The following ARL10 variants were observed in gnomAD, a reference collection of about 807,000 sequenced individuals.
ARL10 encodes the protein ARF like GTPase 10, also known as ADP-ribosylation factor-like protein 10.
ARL10 carries 23 observed loss-of-function variants against 26.1 expected under a neutral mutation model. The ratio of observed to expected loss-of-function variants is 0.88; its 90% CI spans 0.63 to 1.25. The LOEUF (loss-of-function observed/expected upper bound fraction) is 1.25, where lower values mean the gene tolerates loss of function less well. Ranked by LOEUF, ARL10 falls within the 50% of genes most tolerant of loss-of-function variation. The pLI is 0.00. For missense variants in ARL10, 300 were observed against 323.6 expected (o/e 0.93, Z 0.56); for synonymous variants, 138 against 149.1 (o/e 0.93, Z 0.54).
At chr5:176,389,435 G>T, downstream of ARL10, 4 of 1,614,200 alleles carry the variant, frequency 2.5e-6, no homozygotes, top group Non-Finnish European at 3.4e-6. Context: ...CGCCGCCCAG[G>T]GTTTCACGGT....
At chr5:176,397,801 G>A in intron 1 of ARL10, 2 of 1,510,152 alleles carry the variant, frequency 1.3e-6, no homozygotes, top group Admixed American at 1.7e-5. Flanking sequence ...GCCCCTGCCA[G>A]GCAGCCACAG....
the ARL10 span, among the ~76,000 whole-genome samples, chr5:176,412,112 C>T: frequency 2.0e-5 from 3 of 148,424 alleles, no homozygotes; most frequent in Non-Finnish European, 4.4e-5. Context: ...GGAGGCGGAG[C>T]TTGCAGTGAG....
downstream of ARL10, among the ~76,000 whole-genome samples, chr5:176,404,639 C>A (rs1364826719): frequency 6.6e-6 from 1 of 152,196 alleles, no homozygotes; most frequent in Non-Finnish European, 1.5e-5. Flanking sequence ...CAAGCCTGGC[C>A]AAACTGGGCC....
At chr5:176,400,336 A>T (rs575328274) in intron 1 of ARL10, among the ~76,000 whole-genome samples, 1 of 152,328 alleles carries the variant, frequency 6.6e-6, no homozygotes, top group South Asian at 2.1e-4. Context: ...CTCAGTGAAT[A>T]GTAGCTAGAA....
chr5:176,408,105 C>A, the ARL10 span, among the ~76,000 whole-genome samples: 1 of 152,050 alleles, frequency 6.6e-6, no homozygotes, highest in African/African-American at 2.4e-5. Flanking sequence ...CTATTGCATG[C>A]CTCTGTGGTC....
At chr5:176,402,777 C>T (rs368346440), downstream of ARL10, among the ~76,000 whole-genome samples, 2 of 152,130 alleles carry the variant, frequency 1.3e-5, no homozygotes, top group African/African-American at 2.4e-5. Flanking sequence ...GCTGGGGAAA[C>T]GTGAACCTTG....
chr5:176,384,502 G>T, downstream of ARL10: 2 of 896,736 alleles, frequency 2.2e-6, no homozygotes, highest in Non-Finnish European at 3.4e-6. Flanking sequence ...AAAGGCTGTG[G>T]TGCACCGGGC....
chr5:176,406,676 G>T (rs1179971364), downstream of ARL10: 1 of 1,288,852 alleles, frequency 7.8e-7, no homozygotes, highest in Non-Finnish European at 1.0e-6. Context: ...TTGGCAACTG[G>T]GTTTGTAGCT....
chr5:176,405,853 G>T (rs148218406), downstream of ARL10: 1 of 151,370 alleles, frequency 6.6e-6, no homozygotes, highest in East Asian at 1.9e-4. Context: ...TCCTACTACC[G>T]GTGGGAAGTG....
chr5:176,398,108 C>A, intron 1 of ARL10: 2 of 1,492,648 alleles, frequency 1.3e-6, no homozygotes, highest in Non-Finnish European at 1.9e-6. Flanking sequence ...GTCTCTGCTG[C>A]CCCTGCTGGG....
At chr5:176,388,258 C>G in intron 1 of ARL10, 1 of 1,613,792 alleles carries the variant, frequency 6.2e-7, no homozygotes, top group Non-Finnish European at 8.5e-7. Flanking sequence ...AGGGGCACCG[C>G]CCTGTTGGGG....
chr5:176,398,115 T>G (rs1390313539), intron 1 of ARL10: 27 of 1,421,188 alleles, frequency 1.9e-5, no homozygotes, highest in Middle Eastern at 3.5e-4. Context: ...CTGCCCCTGC[T>G]GGGGACCCAC....
At chr5:176,389,237 C>G, downstream of ARL10, 1 of 1,432,850 alleles carries the variant, frequency 7.0e-7, no homozygotes, top group Non-Finnish European at 9.5e-7. Flanking sequence ...CGCTGTGATC[C>G]AGAGATCTTG....
At chr5:176,390,221 C>T (rs542266612), downstream of ARL10, among the ~76,000 whole-genome samples, 1 of 151,018 alleles carries the variant, frequency 6.6e-6, no homozygotes, top group Non-Finnish European at 1.5e-5. Flanking sequence ...AAGGTCACTC[C>T]TTGAGATTCT....
rs550935780 is a variant in ARL10 at position 176,376,205 on chromosome 5, A to G, written c.*4310A>G. On this transcript the variant is annotated 3_prime_UTR_variant, in exon 4 of 4. Coordinates refer to ENST00000310389, the MANE Select transcript of ARL10 (RefSeq NM_173664.6). ...TGAAACCCTGTCTCTACTATAAAAT[A>G]CAAAAAATCAGCTGGGTGTGACGGC... 2 of 152,252 alleles carry G rather than the reference A, an allele frequency of 1.3e-5. No individual in the cohort carries two copies. Among genetic ancestry groups the G allele is most frequent in the East Asian group, 3.9e-4 (2 of 5,178 alleles). 9.4% of individuals were successfully genotyped at this position (152,252 alleles called of 1,614,324 possible). A position where few individuals can be genotyped will look rare whatever the true frequency, so the allele number is the denominator to read the frequency against.
Position 176,375,323 on chromosome 5 carries a change from TCCATCCATCCATCATCCAC to T in ARL10, c.*3442_*3460del, listed in dbSNP as rs1324915502. 2.1e-4 allele frequency: 11 copies of T among 52,826 alleles called. No individual in the cohort carries two copies. Among genetic ancestry groups the T allele is most frequent in the African/African-American group, 6.2e-4 (10 of 16,076 alleles). 3.3% of individuals were successfully genotyped at this position (52,826 alleles called of 1,614,324 possible). On this transcript the variant is annotated 3_prime_UTR_variant, in exon 4 of 4. Transcript: ENST00000310389. ...ATCCATCCATCCATCCATCCATCCA[TCCATCCATCCATCATCCAC>T]CCATCCATCCATCCATCCATCCATC...
downstream of ARL10, chr5:176,392,631 CCCCCCTCCCAGCGCCTGGAGAT>C: frequency 1.1e-6 from 1 of 933,992 alleles, no homozygotes; most frequent in Non-Finnish European, 1.6e-6. The surrounding 1 kb of genome is among the most constrained non-coding windows in gnomAD (Gnocchi z 5.2). Context: ...GGGGTGAGGG[CCCCCCTCCCAGCGCCTGGAGAT>C]GGGGAGGAGT....
intron 1 of ARL10, chr5:176,396,566 G>C (rs748680853): frequency 6.4e-7 from 1 of 1,561,360 alleles, no homozygotes; most frequent in African/African-American, 1.4e-5. Context: ...GGGTTAGGTG[G>C]GGGAAGGCAG....
the ARL10 span, among the ~76,000 whole-genome samples, chr5:176,409,053 C>A: frequency 1.3e-5 from 2 of 151,838 alleles, no homozygotes; most frequent in East Asian, 2.0e-4. Flanking sequence ...CTCGGCTCAC[C>A]GCAACCTCCC....
Sources: gnomAD v4.1 joint callset for allele counts (sites outside exome capture counted in the v4.1 genomes callset) on GRCh38, gnomAD v4.1.1 for gene constraint, Gnocchi (gnomAD v3.1) non-coding constraint, MANE v1.5 for transcripts, NCBI Gene and HGNC (gene_info 2026-07-23, HGNC 2026-07-21) for gene names.